The following KAZN variants were observed in gnomAD, a reference collection of about 807,000 sequenced individuals.
KAZN encodes the protein kazrin, periplakin interacting protein.
KAZN carries 40 observed loss-of-function variants against 87.4 expected under a neutral mutation model. That is an observed-to-expected ratio of 0.46 (90% CI 0.36 to 0.60). The LOEUF is 0.60. Ranked by LOEUF, KAZN falls within the 20% of genes least tolerant of loss-of-function variation. The pLI, the probability that KAZN is intolerant of heterozygous loss-of-function variation, is 0.00. For missense variants in KAZN, 898 were observed against 1,073.9 expected (o/e 0.84, Z 2.29); for synonymous variants, 466 against 458.3 (o/e 1.02, Z -0.22).
At chr1:14,728,287 TATAAAAAAAAAA>T (rs1344013806) in intron 1 of KAZN, among the ~76,000 whole-genome samples, 4 of 70,424 alleles carry the variant, frequency 5.7e-5, no homozygotes, top group Admixed American at 3.4e-4. Flanking sequence ...ACACCGTATA[TATAAAAAAAAAA>T]AAAAAAAAAA....
intron 1 of KAZN, among the ~76,000 whole-genome samples, chr1:13,986,047 G>T (rs575149407): frequency 3.3e-5 from 5 of 152,270 alleles, no homozygotes; most frequent in African/African-American, 1.2e-4. Context: ...AAGTTCCTGG[G>T]TCATATGGTA....
At chr1:14,205,888 A>AAAAAAAAAAAAAAAAC (rs1646731441) in intron 2 of KAZN, among the ~76,000 whole-genome samples, 1 of 58,918 alleles carries the variant, frequency 1.7e-5, no homozygotes, top group South Asian at 6.6e-4. Context: ...CTGTCTCAAA[A>AAAAAAAAAAAAAAAAC]AAAAAAAAAA....
chr1:14,284,018 A>G (rs1653048398), intron 2 of KAZN, among the ~76,000 whole-genome samples: 1 of 152,108 alleles, frequency 6.6e-6, no homozygotes. Flanking sequence ...ACCATACATT[A>G]TATGATTCCA....
chr1:14,343,821 C>T (rs953299331), intron 2 of KAZN, among the ~76,000 whole-genome samples: 7 of 152,124 alleles, frequency 4.6e-5, no homozygotes, highest in South Asian at 2.1e-4. Flanking sequence ...GAGCGGGCAG[C>T]CTCTCTCCTT....
At chr1:14,845,586 G>GATGA (rs1553143783) in intron 1 of KAZN, among the ~76,000 whole-genome samples, 4 of 151,894 alleles carry the variant, frequency 2.6e-5, no homozygotes, top group African/African-American at 7.3e-5. Flanking sequence ...TGGATGGATG[G>GATGA]ATGGATGGAT....
At chr1:15,062,061 A>G (rs1638843066) in intron 6 of KAZN, 1 of 152,090 alleles carries the variant, frequency 6.6e-6, no homozygotes, top group Non-Finnish European at 1.5e-5. Context: ...CCCCACGGCC[A>G]TATTTTGTCT....
intron 1 of KAZN, among the ~76,000 whole-genome samples, chr1:14,681,288 G>C (rs1239555320): frequency 6.6e-6 from 1 of 152,132 alleles, no homozygotes; most frequent in Non-Finnish European, 1.5e-5. Context: ...TGGACACTTG[G>C]ATTGTTTCCA....
chr1:15,022,760 C>A (rs1024235122), intron 2 of KAZN, among the ~76,000 whole-genome samples: 2 of 152,204 alleles, frequency 1.3e-5, no homozygotes, highest in Non-Finnish European at 2.9e-5. Flanking sequence ...TCAGTCACCC[C>A]CTCTAGGTGG....
At position 15,033,885 on chromosome 1, in the gene KAZN, C is replaced by T. The variant is rs59820007; in HGVS notation, c.419-864C>T. Among the ~76,000 whole-genome samples, 1,372 of 152,258 alleles carry T rather than the reference C, an allele frequency of 9.0e-3. 16 individuals are homozygous for T. Among genetic ancestry groups the T allele is most frequent in the African/African-American group, 0.031 (1,302 of 41,534 alleles). On this transcript the variant is annotated intron_variant, in intron 2 of 14. Transcript: ENST00000376030. ...TCCCGAATAACTGGGATTACAGACA[C>T]ACACCACCACGCCTGGCTAATTTTT...
At chr1:14,601,325 G>T (rs140049084) in intron 1 of KAZN, among the ~76,000 whole-genome samples, 1 of 152,192 alleles carries the variant, frequency 6.6e-6, no homozygotes, top group Non-Finnish European at 1.5e-5. Flanking sequence ...CATTTCAACA[G>T]ATGTGATGGT....
At chr1:14,278,793 C>T (rs543230910) in intron 2 of KAZN, among the ~76,000 whole-genome samples, 1 of 152,198 alleles carries the variant, frequency 6.6e-6, no homozygotes, top group Admixed American at 6.5e-5. Context: ...GAAACTGATT[C>T]ATTTACGGTA....
intron 2 of KAZN, among the ~76,000 whole-genome samples, chr1:14,268,835 A>G (rs1470463403): frequency 6.6e-6 from 1 of 152,246 alleles, no homozygotes; most frequent in African/African-American, 2.4e-5. Flanking sequence ...TGCAATGTTT[A>G]AATTATCAGT....
chr1:14,652,439 C>A (rs887761217), intron 1 of KAZN, among the ~76,000 whole-genome samples: 8 of 150,094 alleles, frequency 5.3e-5, no homozygotes, highest in African/African-American at 2.0e-4. Context: ...GTTCATTCGA[C>A]CACCCACCCA....
intron 2 of KAZN, among the ~76,000 whole-genome samples, chr1:14,407,725 C>A (rs951390789): frequency 6.8e-6 from 1 of 148,066 alleles, no homozygotes; most frequent in Non-Finnish European, 1.5e-5. Context: ...AAGTTCTTAA[C>A]AAATGATGGA....
intron 1 of KAZN, among the ~76,000 whole-genome samples, chr1:14,682,397 C>T (rs142234005): frequency 1.4e-4 from 22 of 151,964 alleles, no homozygotes; most frequent in African/African-American, 5.3e-4. Context: ...AAGCAATCCT[C>T]CAGCCTCAGC....
At chr1:14,821,530 A>G (rs1232299105) in intron 1 of KAZN, among the ~76,000 whole-genome samples, 1 of 150,372 alleles carries the variant, frequency 6.7e-6, no homozygotes, top group African/African-American at 2.4e-5. Context: ...AAAAAAAAAG[A>G]GGTAATTACA....
At position 14,937,813 on chromosome 1, in the gene KAZN, C is replaced by A. The variant is rs374020512; in HGVS notation, c.227-22871C>A. Among the ~76,000 whole-genome samples the A allele has an allele frequency of 2.8e-3, 431 of 152,334 alleles. 4 individuals carry two copies. Among genetic ancestry groups the A allele is most frequent in the African/African-American group, 9.8e-3 (407 of 41,596 alleles). ...CTTCCAGCCTGTGCCTGGAGCGTGGCCATCTCCCTGAAAGGCGCTGATTGC... is the reference window on the plus strand; with the variant it reads ...CTTCCAGCCTGTGCCTGGAGCGTGGACATCTCCCTGAAAGGCGCTGATTGC... On this transcript the variant is annotated intron_variant, in intron 1 of 14. Coordinates refer to ENST00000376030, the MANE Select transcript of KAZN (RefSeq NM_201628.3).
chr1:14,223,345 G>A (rs1647150199), intron 2 of KAZN, among the ~76,000 whole-genome samples: 1 of 152,102 alleles, frequency 6.6e-6, no homozygotes, highest in African/African-American at 2.4e-5. Context: ...GCTTTTTCCT[G>A]GCACAGGCTG....
intron 1 of KAZN, among the ~76,000 whole-genome samples, chr1:14,026,604 G>A (rs1641082649): frequency 6.6e-6 from 1 of 152,190 alleles, no homozygotes; most frequent in African/African-American, 2.4e-5. Flanking sequence ...CTCCAGGAAA[G>A]CAATGGTGTA....
Sources: allele counts gnomAD v4.1 joint callset (sites outside exome capture counted in the v4.1 genomes callset), GRCh38; gene constraint gnomAD v4.1.1; transcripts MANE v1.5; gene names NCBI Gene and HGNC (gene_info 2026-07-23, HGNC 2026-07-21).